Variants in DKK4 observed in about 807,000 individuals in gnomAD.
The protein encoded by DKK4 is dickkopf-related protein 4.
In DKK4, 15 loss-of-function variants were observed where a neutral mutation model predicts 14.5. That is an observed-to-expected ratio of 1.03 (90% CI 0.69 to 1.59). DKK4 has a LOEUF of 1.59. Ranked by LOEUF, DKK4 falls within the 40% of genes most tolerant of loss-of-function variation. The pLI, the probability that DKK4 is intolerant of heterozygous loss-of-function variation, is 0.00. For missense variants in DKK4, 272 were observed against 280.3 expected, an observed-to-expected ratio of 0.97 and a Z score of 0.21; for synonymous variants, 89 against 105.2, an observed-to-expected ratio of 0.85 and a Z score of 0.94.
upstream of DKK4, among the ~76,000 whole-genome samples, chr8:42,379,285 T>G (rs10101492): frequency 0.22 from 31,000 of 139,370 alleles, 7,093 homozygotes; most frequent in African/African-American, 0.59. Flanking sequence ...ATAGTGGTGT[T>G]CACCTGTAGT....
chr8:42,378,553 G>A (rs1824603118), upstream of DKK4, among the ~76,000 whole-genome samples: 1 of 152,098 alleles, frequency 6.6e-6, no homozygotes, highest in African/African-American at 2.4e-5. Flanking sequence ...CTGGTGACTA[G>A]GGGTGTTACA....
At chr8:42,378,677 G>A (rs1465728213), upstream of DKK4, among the ~76,000 whole-genome samples, 1 of 151,958 alleles carries the variant, frequency 6.6e-6, no homozygotes, top group Non-Finnish European at 1.5e-5. Context: ...GGAATTTCAG[G>A]TTACCAAAGG....
chr8:42,378,943 CAA>C (rs1166439885), upstream of DKK4, among the ~76,000 whole-genome samples: 5 of 49,452 alleles, frequency 1.0e-4, no homozygotes, highest in Non-Finnish European at 4.3e-5. Flanking sequence ...CCTGTCTCCA[CAA>C]AAAAAAAAAA....
upstream of DKK4, among the ~76,000 whole-genome samples, chr8:42,379,916 T>C (rs1183243877): frequency 3.3e-5 from 5 of 152,168 alleles, 1 homozygote; most frequent in East Asian, 9.6e-4. Flanking sequence ...AGACTGAGAA[T>C]GCCATGATCC....
chr8:42,382,943 C>G, the DKK4 span, among the ~76,000 whole-genome samples: 52 of 152,282 alleles, frequency 3.4e-4, no homozygotes, highest in South Asian at 6.0e-3. Context: ...ACGTCAAAGG[C>G]TGGGTGTCAG....
chr8:42,385,370 C>T, the DKK4 span, among the ~76,000 whole-genome samples: 81 of 152,008 alleles, frequency 5.3e-4, no homozygotes, highest in African/African-American at 1.8e-3. Context: ...CCAGCCTGGG[C>T]AACAGAGTGA....
chr8:42,387,187 A>G, the DKK4 span, among the ~76,000 whole-genome samples: 1 of 151,688 alleles, frequency 6.6e-6, no homozygotes, highest in Non-Finnish European at 1.5e-5. Flanking sequence ...GATTCTATTG[A>G]TTTGACAGGA....
At chr8:42,377,825 A>G (rs1824592591), upstream of DKK4, among the ~76,000 whole-genome samples, 3 of 152,348 alleles carry the variant, frequency 2.0e-5, no homozygotes, top group Middle Eastern at 0.01. Context: ...CTTTAAATGA[A>G]AATTGAACTG....
the DKK4 span, among the ~76,000 whole-genome samples, chr8:42,382,230 A>G: frequency 6.6e-6 from 1 of 152,204 alleles, no homozygotes; most frequent in South Asian, 2.1e-4. Flanking sequence ...GAAAGTAGGT[A>G]TGTGAAGTAG....
At chr8:42,388,744 T>C in the DKK4 span, among the ~76,000 whole-genome samples, 6 of 151,432 alleles carry the variant, frequency 4.0e-5, no homozygotes, top group African/African-American at 1.2e-4. Context: ...CTAATTTTTG[T>C]ATTTTTAGTA....
At chr8:42,386,063 G>T in the DKK4 span, among the ~76,000 whole-genome samples, 90 of 152,142 alleles carry the variant, frequency 5.9e-4, no homozygotes, top group Non-Finnish European at 1.6e-4. Context: ...CTGCCTCCCC[G>T]GATTGGAGGT....
upstream of DKK4, among the ~76,000 whole-genome samples, chr8:42,378,913 C>G (rs1397772958): frequency 2.1e-5 from 3 of 143,922 alleles, no homozygotes; most frequent in African/African-American, 7.9e-5. Flanking sequence ...TCAAGACGAG[C>G]CTGGGCAACA....
At chr8:42,376,849 T>C in intron 1 of DKK4, 86 bp downstream of exon 1, 2 of 1,095,684 alleles carry the variant, frequency 1.8e-6, no homozygotes, top group Non-Finnish European at 2.7e-6. Flanking sequence ...ATTTCATACA[T>C]GAATCAGAAT....
At position 42,376,933 on chromosome 8, in the gene DKK4, ACC is replaced by A; in HGVS notation, c.111_111+1del. 6.2e-7 allele frequency: 1 copy of A among 1,613,154 alleles called. No individual in the cohort carries two copies. Among genetic ancestry groups the A allele is most frequent in the Admixed American group, 1.7e-5 (1 of 60,000 alleles). The stretch of plus-strand genomic sequence containing the variant: ...CCTCGCCCCCCTCCCTAGCAGCCTT[ACC>A]TTCCGGGCCCCATGCAGGTCAGCAG... On this transcript the variant is annotated splice_donor_variant and coding_sequence_variant, in exon 1 of 4. Coordinates refer to ENST00000220812, the MANE Select transcript of DKK4 (RefSeq NM_014420.3). LOFTEE classifies it high-confidence loss of function.
At chr8:42,378,284 A>T (rs1824599347), upstream of DKK4, among the ~76,000 whole-genome samples, 2 of 152,192 alleles carry the variant, frequency 1.3e-5, no homozygotes, top group African/African-American at 4.8e-5. Context: ...ATAAATGATA[A>T]TCTTATTATT....
chr8:42,379,882 A>G (rs1824639443), upstream of DKK4, among the ~76,000 whole-genome samples: 3 of 152,174 alleles, frequency 2.0e-5, no homozygotes, highest in Admixed American at 2.0e-4. Context: ...TCTCTGCACA[A>G]TGTAAAGTCA....
At chr8:42,388,200 A>G in the DKK4 span, among the ~76,000 whole-genome samples, 1 of 152,112 alleles carries the variant, frequency 6.6e-6, no homozygotes, top group Non-Finnish European at 1.5e-5. Flanking sequence ...TTTTGCCTGT[A>G]TAGCTTTTAA....
At chr8:42,387,647 A>G in the DKK4 span, among the ~76,000 whole-genome samples, 1 of 152,150 alleles carries the variant, frequency 6.6e-6, no homozygotes, top group Non-Finnish European at 1.5e-5. Flanking sequence ...GGTGTGAGCC[A>G]CTGCGCTCAG....
the DKK4 span, among the ~76,000 whole-genome samples, chr8:42,388,008 T>A: frequency 6.6e-6 from 1 of 152,048 alleles, no homozygotes; most frequent in Non-Finnish European, 1.5e-5. Context: ...CATCCATCCT[T>A]CCACCTCTGC....
Sources: gnomAD v4.1 joint callset for allele counts (sites outside exome capture counted in the v4.1 genomes callset) on GRCh38, gnomAD v4.1.1 for gene constraint, MANE v1.5 for transcripts, NCBI Gene and HGNC (gene_info 2026-07-23, HGNC 2026-07-21) for gene names.